Variants in TSGA10 observed in about 807,000 individuals in gnomAD.
The protein encoded by TSGA10 is testis-specific gene 10 protein.
TSGA10 carries 43 observed loss-of-function variants against 96.6 expected under a neutral mutation model. The observed-to-expected ratio is 0.44, with a 90% CI of 0.35 to 0.57. The LOEUF (loss-of-function observed/expected upper bound fraction) is 0.57, where lower values mean the gene tolerates loss of function less well. TSGA10 is among the 20% of genes least tolerant of loss of function. The pLI, the probability that TSGA10 is intolerant of heterozygous loss-of-function variation, is 0.01. For synonymous variants in TSGA10, 229 were observed against 269.9 expected (o/e 0.85, Z 1.48); for missense variants, 703 against 834.4 (o/e 0.84, Z 1.94).
intron 2 of TSGA10, among the ~76,000 whole-genome samples, chr2:99,123,678 AAAC>A (rs1413392491): frequency 6.6e-6 from 1 of 152,192 alleles, no homozygotes; most frequent in Non-Finnish European, 1.5e-5. Flanking sequence ...TGTACCCATT[AAAC>A]AACAATTCTA....
intron 10 of TSGA10, among the ~76,000 whole-genome samples, chr2:99,100,584 G>T (rs945009055): frequency 1.3e-5 from 2 of 152,122 alleles, no homozygotes; most frequent in Non-Finnish European, 2.9e-5. Context: ...ACTTTGGGAG[G>T]CCGAGGCGGG....
At chr2:99,122,270 T>C (rs2092612008) in intron 2 of TSGA10, among the ~76,000 whole-genome samples, 1 of 152,132 alleles carries the variant, frequency 6.6e-6, no homozygotes, top group East Asian at 1.9e-4. Flanking sequence ...TGTTTCTGAG[T>C]GTAACTCTTG....
chr2:99,013,602 A>T (rs2079207990), intron 20 of TSGA10, among the ~76,000 whole-genome samples: 1 of 149,614 alleles, frequency 6.7e-6, no homozygotes, highest in African/African-American at 2.4e-5. Context: ...AAGTGCTGGG[A>T]TTACAGGCGT....
At chr2:99,079,836 C>T (rs1466601695) in intron 11 of TSGA10, among the ~76,000 whole-genome samples, 1 of 152,146 alleles carries the variant, frequency 6.6e-6, no homozygotes, top group Non-Finnish European at 1.5e-5. Context: ...GAGGGCCATC[C>T]AGGAGCAGTG....
intron 10 of TSGA10, 58 bp from the exon 11 acceptor site, chr2:99,081,455 T>A (rs1260425228): frequency 2.2e-6 from 2 of 908,410 alleles, no homozygotes; most frequent in Non-Finnish European, 3.3e-6. Flanking sequence ...CATCTTGTAG[T>A]GTGTTTAAAT....
intron 10 of TSGA10, among the ~76,000 whole-genome samples, chr2:99,085,072 C>A (rs933488671): frequency 6.6e-6 from 1 of 151,094 alleles, no homozygotes; most frequent in Non-Finnish European, 1.5e-5. Flanking sequence ...CATGGTGAAA[C>A]CCTGTCTCTA....
chr2:99,040,279 C>G (rs532161175), intron 16 of TSGA10, among the ~76,000 whole-genome samples: 1 of 152,064 alleles, frequency 6.6e-6, no homozygotes, highest in South Asian at 2.1e-4. Context: ...AGCAATCAGA[C>G]AACAGAAAGA....
At chr2:99,047,534 C>T (rs1282689013) in intron 16 of TSGA10, among the ~76,000 whole-genome samples, 1 of 152,130 alleles carries the variant, frequency 6.6e-6, no homozygotes, top group Non-Finnish European at 1.5e-5. Flanking sequence ...GCTCTTCATG[C>T]TAAAAACTCT....
In TSGA10 at chr2:99,154,796, T is replaced by C; in HGVS notation, c.-724A>G. ...TACTTTTATTCGAACGTAGCCTGCG[T>C]CCCTGCCTGGAACCTGGTTCCCGCC... On this transcript the variant is annotated 5_prime_UTR_variant, in exon 1 of 21. Transcript: ENST00000393483. 1 of 328,182 alleles carries C rather than the reference T, an allele frequency of 3.0e-6. No individual in the cohort carries two copies. The highest frequency in any genetic ancestry group is 6.0e-6 in the Non-Finnish European group (1 of 165,972). 20.3% of individuals were successfully genotyped at this position (328,182 alleles called of 1,614,324 possible). A position where few individuals can be genotyped will look rare whatever the true frequency, so the allele number is the denominator to read the frequency against.
intron 16 of TSGA10, among the ~76,000 whole-genome samples, chr2:99,041,395 A>T (rs892085656): frequency 6.6e-6 from 1 of 152,352 alleles, no homozygotes; most frequent in African/African-American, 2.4e-5. Flanking sequence ...AAGCAAAAAG[A>T]ACAAATCTGG....
At chr2:99,114,196 T>G (rs1361285176) in intron 4 of TSGA10, among the ~76,000 whole-genome samples, 1 of 152,098 alleles carries the variant, frequency 6.6e-6, no homozygotes, top group Non-Finnish European at 1.5e-5. Flanking sequence ...AACCCAAATA[T>G]TTTTTCTCAG....
chr2:99,087,326 G>C (rs183648714), intron 10 of TSGA10, among the ~76,000 whole-genome samples: 12 of 152,064 alleles, frequency 7.9e-5, no homozygotes, highest in African/African-American at 2.7e-4. Flanking sequence ...GACCAACGTG[G>C]AGAAACCCTA....
chr2:99,038,141 C>A (rs1456420992), intron 16 of TSGA10, among the ~76,000 whole-genome samples: 1 of 151,818 alleles, frequency 6.6e-6, no homozygotes, highest in Non-Finnish European at 1.5e-5. Flanking sequence ...ACTATGAGAA[C>A]TGCTGACAGG....
chr2:99,141,253 C>G (rs1314796910), intron 1 of TSGA10: 19 of 893,394 alleles, frequency 2.1e-5, no homozygotes, highest in Non-Finnish European at 2.7e-5. Context: ...CCCGCCCCGG[C>G]GGATCGGAGG....
At chr2:99,042,579 G>C (rs2104237249) in intron 16 of TSGA10, among the ~76,000 whole-genome samples, 1 of 152,314 alleles carries the variant, frequency 6.6e-6, no homozygotes, top group South Asian at 2.1e-4. Context: ...AACAGGAGCA[G>C]ATCTCTTACA....
chr2:99,153,522 A>G (rs1477458564), intron 1 of TSGA10, among the ~76,000 whole-genome samples: 1 of 152,206 alleles, frequency 6.6e-6, no homozygotes, highest in South Asian at 2.1e-4. Context: ...TGGAGCAGGG[A>G]GGAGGGAATG....
intron 12 of TSGA10, among the ~76,000 whole-genome samples, chr2:99,077,122 T>C (rs898544704): frequency 6.9e-6 from 1 of 144,546 alleles, no homozygotes; most frequent in African/African-American, 2.6e-5. Context: ...AGGCGGACCA[T>C]TCACCTTTTT....
intron 20 of TSGA10, among the ~76,000 whole-genome samples, chr2:99,011,400 G>A (rs1238902894): frequency 6.6e-6 from 1 of 152,100 alleles, no homozygotes; most frequent in African/African-American, 2.4e-5. Flanking sequence ...CCAAAGTGCT[G>A]GGATTACAGG....
chr2:99,047,837 A>C (rs1233783197), intron 16 of TSGA10, among the ~76,000 whole-genome samples: 1 of 152,232 alleles, frequency 6.6e-6, no homozygotes, highest in East Asian at 1.9e-4. Context: ...GTCTCAGCCC[A>C]AAATCTCCTT....
Sources: gnomAD v4.1 joint callset for allele counts (sites outside exome capture counted in the v4.1 genomes callset) on GRCh38, gnomAD v4.1.1 for gene constraint, MANE v1.5 for transcripts, NCBI Gene and HGNC (gene_info 2026-07-23, HGNC 2026-07-21) for gene names.